DGKB: variants seen among roughly 807,000 people sequenced by gnomAD.
DGKB encodes the protein 90 kDa diacylglycerol kinase.
A neutral mutation model predicts 114.3 loss-of-function variants in DGKB; 67 were observed. The observed-to-expected ratio is 0.59, with a 90% CI of 0.48 to 0.72. The LOEUF (loss-of-function observed/expected upper bound fraction) is 0.72, where lower values mean the gene tolerates loss of function less well. DGKB is among the 30% of genes least tolerant of loss of function. The pLI, the probability that DGKB is intolerant of heterozygous loss-of-function variation, is 0.00. For synonymous variants in DGKB, 398 were observed against 323.1 expected, an observed-to-expected ratio of 1.23 and a Z score of -2.49; for missense variants, 907 against 975.2, an observed-to-expected ratio of 0.93 and a Z score of 0.93.
chr7:14,501,921 C>T (rs1025957744), intron 20 of DGKB, among the ~76,000 whole-genome samples: 3 of 151,878 alleles, frequency 2.0e-5, no homozygotes, highest in Admixed American at 6.6e-5. Context: ...CGAACAAATA[C>T]CATAATGGGA....
At chr7:14,959,577 T>C (rs1048624635) in intron 1 of DGKB, among the ~76,000 whole-genome samples, 1 of 152,028 alleles carries the variant, frequency 6.6e-6, no homozygotes, top group African/African-American at 2.4e-5. Flanking sequence ...GTCACCAAAT[T>C]ACATATTGCC....
intron 20 of DGKB, among the ~76,000 whole-genome samples, chr7:14,548,175 T>G (rs778293466): frequency 3.9e-5 from 6 of 152,202 alleles, no homozygotes; most frequent in Admixed American, 6.5e-5. Flanking sequence ...GAATATTTAT[T>G]TACATGTGAG....
At chr7:14,410,213 C>T (rs1309100434) in intron 21 of DGKB, among the ~76,000 whole-genome samples, 1 of 115,500 alleles carries the variant, frequency 8.7e-6, no homozygotes, top group South Asian at 2.9e-4. Flanking sequence ...TATATATATA[C>T]ACATATATAT....
intron 1 of DGKB, among the ~76,000 whole-genome samples, chr7:14,910,254 GA>G (rs745390625): frequency 1.1e-4 from 3 of 27,394 alleles, no homozygotes; most frequent in East Asian, 6.5e-4. Flanking sequence ...AAGAAAGAAA[GA>G]AAGAAAGAAA....
chr7:14,639,961 A>G (rs980222921), intron 13 of DGKB, among the ~76,000 whole-genome samples: 1 of 152,124 alleles, frequency 6.6e-6, no homozygotes, highest in African/African-American at 2.4e-5. Context: ...AATGTGACAC[A>G]GTGGGTGTTA....
At chr7:14,719,609 C>T (rs1405809828) in intron 5 of DGKB, among the ~76,000 whole-genome samples, 1 of 151,860 alleles carries the variant, frequency 6.6e-6, no homozygotes, top group Non-Finnish European at 1.5e-5. Flanking sequence ...ATAATTTGAA[C>T]CAAACACAGT....
chr7:14,957,076 G>A (rs1285325199), intron 1 of DGKB, among the ~76,000 whole-genome samples: 1 of 151,788 alleles, frequency 6.6e-6, no homozygotes, highest in Admixed American at 6.6e-5. Flanking sequence ...GAGCTTTCTA[G>A]TTTCATGGTT....
At chr7:14,483,009 A>AT (rs35076747) in intron 20 of DGKB, among the ~76,000 whole-genome samples, 3,604 of 144,496 alleles carry the variant, frequency 0.025, 45 homozygotes, top group Middle Eastern at 0.044. Flanking sequence ...TTGGCCTGGC[A>AT]TTTTTTTTTT....
At chr7:14,895,338 C>A (rs982502704) in intron 1 of DGKB, among the ~76,000 whole-genome samples, 1 of 151,470 alleles carries the variant, frequency 6.6e-6, no homozygotes, top group African/African-American at 2.4e-5. Flanking sequence ...TCACTGCCAC[C>A]TGTTATACTC....
chr7:14,793,619 G>A (rs561358807), intron 2 of DGKB, among the ~76,000 whole-genome samples: 15 of 152,138 alleles, frequency 9.9e-5, no homozygotes, highest in Non-Finnish European at 1.6e-4. Context: ...GCCAGGAGGA[G>A]AAGGATGTAC....
intron 2 of DGKB, among the ~76,000 whole-genome samples, chr7:14,759,969 T>C (rs1285837768): frequency 6.6e-6 from 1 of 152,206 alleles, no homozygotes; most frequent in Non-Finnish European, 1.5e-5. Context: ...GGATGTGAAA[T>C]GATTCGACTC....
At chr7:14,610,234 A>T (rs1301025962) in intron 16 of DGKB, among the ~76,000 whole-genome samples, 1 of 152,126 alleles carries the variant, frequency 6.6e-6, no homozygotes, top group African/African-American at 2.4e-5. Context: ...ATATGGATGG[A>T]GATGGAGGCC....
chr7:14,484,241 C>A (rs1234890233), intron 20 of DGKB, among the ~76,000 whole-genome samples: 3 of 152,090 alleles, frequency 2.0e-5, no homozygotes, highest in Non-Finnish European at 1.5e-5. Context: ...AGTTGACACA[C>A]AACAACCAAA....
chr7:14,216,498 G>C (rs187425794), intron 23 of DGKB, among the ~76,000 whole-genome samples: 3 of 152,110 alleles, frequency 2.0e-5, no homozygotes, highest in Non-Finnish European at 4.4e-5. Flanking sequence ...GGCCGAGGTG[G>C]GTGGATCACC....
At chr7:14,207,724 T>C (rs1441356958) in intron 23 of DGKB, among the ~76,000 whole-genome samples, 1 of 152,012 alleles carries the variant, frequency 6.6e-6, no homozygotes, top group Non-Finnish European at 1.5e-5. Flanking sequence ...AATAAAACTG[T>C]TTTTTCATCT....
At chr7:14,636,589 G>C (rs966697824) in intron 13 of DGKB, among the ~76,000 whole-genome samples, 1 of 151,738 alleles carries the variant, frequency 6.6e-6, no homozygotes, top group East Asian at 1.9e-4. Context: ...CATCATTTTT[G>C]AAAAGAGTAC....
chr7:14,827,016 C>A (rs1170158349), intron 2 of DGKB, among the ~76,000 whole-genome samples: 1 of 152,032 alleles, frequency 6.6e-6, no homozygotes, highest in Non-Finnish European at 1.5e-5. Context: ...GATGCTAAAA[C>A]AATGGCATTG....
intron 1 of DGKB, among the ~76,000 whole-genome samples, chr7:14,845,155 A>C (rs1848479485): frequency 6.7e-6 from 1 of 149,622 alleles, no homozygotes; most frequent in Non-Finnish European, 1.5e-5. Context: ...AAAGAAAAAA[A>C]GGAAGAAAAA....
intron 6 of DGKB, among the ~76,000 whole-genome samples, chr7:14,714,720 C>G (rs1450458830): frequency 6.6e-6 from 1 of 151,992 alleles, no homozygotes; most frequent in African/African-American, 2.4e-5. Flanking sequence ...GAGCTATAAC[C>G]CAAAGAATTA....
Sources: gnomAD v4.1 joint callset for allele counts (sites outside exome capture counted in the v4.1 genomes callset) on GRCh38, gnomAD v4.1.1 for gene constraint, MANE v1.5 for transcripts, NCBI Gene and HGNC (gene_info 2026-07-23, HGNC 2026-07-21) for gene names.